The following KIF6 variants were observed in gnomAD, a reference collection of about 807,000 sequenced individuals.
KIF6 encodes kinesin-like protein KIF6.
KIF6 carries 106 observed loss-of-function variants against 112.7 expected under a neutral mutation model. The ratio of observed to expected loss-of-function variants is 0.94; its 90% CI spans 0.80 to 1.11. KIF6 has a LOEUF of 1.11. Among genes scored for constraint, KIF6 ranks in the 50% least tolerant of loss-of-function variants. KIF6 has a pLI of 0.00. For synonymous variants in KIF6, 339 were observed against 339.9 expected (o/e 1.00, Z 0.03); for missense variants, 929 against 964.0 (o/e 0.96, Z 0.48).
chr6:39,594,251 T>G (rs1016401978), intron 7 of KIF6, among the ~76,000 whole-genome samples: 2 of 150,680 alleles, frequency 1.3e-5, no homozygotes, highest in Non-Finnish European at 3.0e-5. Flanking sequence ...TTCTCTTGAG[T>G]GATTACAATT....
At chr6:39,626,486 T>C (rs1030997443) in intron 5 of KIF6, among the ~76,000 whole-genome samples, 13 of 152,286 alleles carry the variant, frequency 8.5e-5, no homozygotes, top group Admixed American at 7.9e-4. Context: ...ATATCCTGGT[T>C]CTAGCTCTTA....
chr6:39,623,767 C>T (rs1464829681), intron 5 of KIF6, among the ~76,000 whole-genome samples: 2 of 152,210 alleles, frequency 1.3e-5, no homozygotes, highest in Non-Finnish European at 2.9e-5. Flanking sequence ...CATAGGCTAA[C>T]TGCTACGGAA....
chr6:39,617,799 C>A, intron 5 of KIF6: 1 of 451,826 alleles, frequency 2.2e-6, no homozygotes. Flanking sequence ...AGCAGGTGGG[C>A]CTCATGACAA....
At chr6:39,687,397 T>C (rs1400993982) in intron 3 of KIF6, among the ~76,000 whole-genome samples, 1 of 152,208 alleles carries the variant, frequency 6.6e-6, no homozygotes, top group Non-Finnish European at 1.5e-5. Context: ...CTTTGAGAGT[T>C]CATATTTTAA....
intron 12 of KIF6, among the ~76,000 whole-genome samples, chr6:39,544,055 C>A (rs1400002610): frequency 1.3e-5 from 2 of 152,176 alleles, no homozygotes; most frequent in Non-Finnish European, 2.9e-5. Context: ...ACATTTAAAT[C>A]AATCTCTGCT....
At chr6:39,454,158 G>T (rs1157780576) in intron 13 of KIF6, among the ~76,000 whole-genome samples, 1 of 152,108 alleles carries the variant, frequency 6.6e-6, no homozygotes, top group Non-Finnish European at 1.5e-5. Flanking sequence ...CTCTTATGTT[G>T]CAATAGTGGA....
intron 3 of KIF6, among the ~76,000 whole-genome samples, chr6:39,675,208 C>T (rs303676): frequency 0.057 from 8,608 of 152,098 alleles, 802 homozygotes; most frequent in African/African-American, 0.19. Flanking sequence ...AGAAAGAAGG[C>T]TGACATCAGA....
At chr6:39,397,628 T>C (rs1440899429) in intron 15 of KIF6, among the ~76,000 whole-genome samples, 2 of 152,104 alleles carry the variant, frequency 1.3e-5, no homozygotes, top group Non-Finnish European at 2.9e-5. Flanking sequence ...GCTGGTCATT[T>C]TGGGGATAAT....
intron 13 of KIF6, among the ~76,000 whole-genome samples, chr6:39,485,068 A>C (rs1290145134): frequency 1.3e-5 from 2 of 152,142 alleles, no homozygotes; most frequent in Non-Finnish European, 2.9e-5. Context: ...AGGAACTTAC[A>C]TCTTAGTGAG....
At chr6:39,658,772 A>G (rs539479153) in intron 3 of KIF6, among the ~76,000 whole-genome samples, 1 of 152,320 alleles carries the variant, frequency 6.6e-6, no homozygotes, top group South Asian at 2.1e-4. Flanking sequence ...GTCAATGAAA[A>G]CACAACTCAA....
At chr6:39,617,608 T>C in intron 5 of KIF6, 2 of 418,148 alleles carry the variant, frequency 4.8e-6, no homozygotes, top group South Asian at 1.7e-5. Flanking sequence ...TGGGTTTGTA[T>C]AGTTATCACG....
intron 3 of KIF6, among the ~76,000 whole-genome samples, chr6:39,680,518 C>A (rs542075362): frequency 2.0e-5 from 3 of 152,208 alleles, no homozygotes; most frequent in African/African-American, 7.2e-5. Flanking sequence ...ATATATGAAA[C>A]TGTAGAAGGG....
intron 13 of KIF6, among the ~76,000 whole-genome samples, chr6:39,477,442 A>T (rs973025285): frequency 6.6e-6 from 1 of 152,226 alleles, no homozygotes; most frequent in Non-Finnish European, 1.5e-5. Context: ...ATAACAGCAA[A>T]AGATTGTTAA....
intron 16 of KIF6, among the ~76,000 whole-genome samples, chr6:39,366,829 G>C (rs1327185232): frequency 6.6e-6 from 1 of 152,160 alleles, no homozygotes; most frequent in Non-Finnish European, 1.5e-5. Context: ...GGCTTTGAGA[G>C]AGATGGGAGT....
At chr6:39,358,013 T>C (rs1446355223) in intron 18 of KIF6, among the ~76,000 whole-genome samples, 2 of 152,260 alleles carry the variant, frequency 1.3e-5, no homozygotes, top group Non-Finnish European at 2.9e-5. Flanking sequence ...AAATACTTTC[T>C]GGTTTTGCTT....
chr6:39,714,487 ATTTTG>A lies in KIF6; in HGVS notation c.251+200_251+204del, dbSNP rs374287011. Among the ~76,000 whole-genome samples, 65 of 152,254 alleles carry A rather than the reference ATTTTG, an allele frequency of 4.3e-4. No individual in the cohort carries two copies. The East Asian group carries it at 4.4e-3, about 10-fold the overall frequency. The stretch of plus-strand genomic sequence containing the variant: ...AATAGCTAGTCTATTTTGCTGCGTT[ATTTTG>A]TTTTGTTTTGTTTTGAGACTCAGAA... On this transcript the variant is annotated intron_variant, in intron 3 of 22. Transcript: ENST00000287152.
At chr6:39,597,847 T>C (rs1368463823) in intron 6 of KIF6, among the ~76,000 whole-genome samples, 1 of 152,070 alleles carries the variant, frequency 6.6e-6, no homozygotes, top group Non-Finnish European at 1.5e-5. Flanking sequence ...TTGCAATACA[T>C]ATGGCTGACA....
In KIF6 at chr6:39,385,635, C is replaced by A. The variant is rs201395914; in HGVS notation, c.1848G>T (p.Gln616His). The A allele has an allele frequency of 8.7e-6, 14 of 1,613,334 alleles. No homozygotes were observed. Among genetic ancestry groups the A allele is most frequent in the Non-Finnish European group, 1.0e-5 (12 of 1,179,524 alleles). The change falls in exon 16 of 23, where the codon CAG (glutamine) becomes CAT (histidine). Residue 616 changes from glutamine to histidine, a missense_variant. Transcript: ENST00000287152. ...LKEEITQRHI[Q>H]QVALGISENM... is the part of the protein sequence containing the mutation. Reference sequence around the variant, plus strand: ...CTTTGTACCTACCTAGGGCTACTTGCTGTATATGCCGCTGGGTGATTTCTT... The same window carrying A: ...CTTTGTACCTACCTAGGGCTACTTGATGTATATGCCGCTGGGTGATTTCTT...
chr6:39,623,698 A>G (rs770535958), intron 5 of KIF6, among the ~76,000 whole-genome samples: 1 of 152,170 alleles, frequency 6.6e-6, no homozygotes, highest in Non-Finnish European at 1.5e-5. Context: ...AACATCTTCA[A>G]CTACCTTAGA....
Sources: allele counts gnomAD v4.1 joint callset (sites outside exome capture counted in the v4.1 genomes callset), GRCh38; gene constraint gnomAD v4.1.1; transcripts MANE v1.5; gene names NCBI Gene and HGNC (gene_info 2026-07-23, HGNC 2026-07-21).